Variants in FAM171A1 observed in about 807,000 individuals in gnomAD.
FAM171A1 encodes the protein protein FAM171A1.
A neutral mutation model predicts 74.9 loss-of-function variants in FAM171A1; 23 were observed. The observed-to-expected ratio is 0.31, with a 90% confidence interval of 0.22 to 0.44. The LOEUF is 0.44. Among genes scored for constraint, FAM171A1 ranks in the 20% least tolerant of loss-of-function variants. The pLI, the probability that FAM171A1 is intolerant of heterozygous loss-of-function variation, is 1.00. For missense variants in FAM171A1, 1,162 were observed against 1,159.2 expected (o/e 1.00, Z -0.03); for synonymous variants, 527 against 505.7 (o/e 1.04, Z -0.57).
At chr10:15,291,877 C>T (rs534763622) in intron 1 of FAM171A1, among the ~76,000 whole-genome samples, 3 of 152,330 alleles carry the variant, frequency 2.0e-5, no homozygotes, top group South Asian at 4.1e-4. Flanking sequence ...GTCTTTGTTT[C>T]AGTACCACCT....
chr10:15,231,852 A>G (rs1834210981), intron 5 of FAM171A1, among the ~76,000 whole-genome samples: 1 of 152,172 alleles, frequency 6.6e-6, no homozygotes, highest in Non-Finnish European at 1.5e-5. Context: ...TGGGAAGCCT[A>G]GGTGGAAGGG....
rs116993480 is a variant in FAM171A1, at chr10:15,277,767, T to C, written c.326-1820A>G. Among the ~76,000 whole-genome samples the C allele has an allele frequency of 3.4e-3, 517 of 151,926 alleles. 2 individuals carry two copies. The highest frequency in any genetic ancestry group is 6.0e-3 in the Non-Finnish European group (406 of 67,932). ...CAGTCACTTCACAGTGCTGGCTCTTTTTTTTTGAGATGCAGTTTCGCTCTT... is the reference window on the plus strand; with the variant it reads ...CAGTCACTTCACAGTGCTGGCTCTTCTTTTTTGAGATGCAGTTTCGCTCTT... On this transcript the variant is annotated intron_variant, in intron 2 of 7. Transcript: ENST00000378116.
intron 1 of FAM171A1, among the ~76,000 whole-genome samples, chr10:15,313,818 G>A (rs957333078): frequency 1.3e-5 from 2 of 152,206 alleles, no homozygotes; most frequent in Non-Finnish European, 2.9e-5. Flanking sequence ...CTGCTTTAAG[G>A]TTTGCAAGAG....
rs572932812 is a variant in FAM171A1 at position 15,292,755 on chromosome 10, G to T, written c.98-8650C>A. Among the ~76,000 whole-genome samples the T allele has an allele frequency of 4.6e-5, 7 of 152,124 alleles. No individual in the cohort carries two copies. The East Asian group carries it at 1.4e-3, about 29-fold the overall frequency. Reference sequence around the variant, plus strand: ...CCCGTCTCGTCCTCCCAACATGCTGGGATTACAGGGGTGAGCCACTGCACC... The same window carrying T: ...CCCGTCTCGTCCTCCCAACATGCTGTGATTACAGGGGTGAGCCACTGCACC... On this transcript the variant is annotated intron_variant, in intron 1 of 7. Coordinates refer to ENST00000378116, the MANE Select transcript of FAM171A1 (RefSeq NM_001010924.2).
chr10:15,302,233 G>A (rs758284636), intron 1 of FAM171A1, among the ~76,000 whole-genome samples: 1 of 152,098 alleles, frequency 6.6e-6, no homozygotes, highest in African/African-American at 2.4e-5. Context: ...GGAGGCCAAC[G>A]TGGGTGGATC....
chr10:15,282,869 G>C (rs1042808209), intron 2 of FAM171A1, among the ~76,000 whole-genome samples: 7 of 152,026 alleles, frequency 4.6e-5, no homozygotes, highest in Non-Finnish European at 8.8e-5. Flanking sequence ...CTGGGGTCCT[G>C]TCTCAGGCCC....
chr10:15,345,586 C>T (rs1198415006), intron 1 of FAM171A1, among the ~76,000 whole-genome samples: 1 of 152,048 alleles, frequency 6.6e-6, no homozygotes, highest in Non-Finnish European at 1.5e-5. Flanking sequence ...ACTGCACAGG[C>T]CGGTGGTCAG....
At chr10:15,369,506 G>A (rs1453761789) in intron 1 of FAM171A1, among the ~76,000 whole-genome samples, 3 of 152,080 alleles carry the variant, frequency 2.0e-5, no homozygotes, top group African/African-American at 4.8e-5. Context: ...GTAGCTGTCC[G>A]CTCTTCCATG....
intron 5 of FAM171A1, among the ~76,000 whole-genome samples, chr10:15,243,328 C>G (rs769900135): frequency 6.6e-6 from 1 of 152,120 alleles, no homozygotes; most frequent in African/African-American, 2.4e-5. Flanking sequence ...TGAGAATCAC[C>G]CCATCTCCAG....
intron 1 of FAM171A1, among the ~76,000 whole-genome samples, chr10:15,329,575 G>A (rs1835601934): frequency 6.7e-6 from 1 of 149,738 alleles, no homozygotes; most frequent in African/African-American, 2.5e-5. Context: ...GCAGTGAAAC[G>A]TGATCATGCC....
chr10:15,235,301 C>CAA (rs1193195866), intron 5 of FAM171A1, among the ~76,000 whole-genome samples: 26 of 44,534 alleles, frequency 5.8e-4, no homozygotes, highest in East Asian at 9.4e-4. Context: ...GACTCTGTCT[C>CAA]AAAAAAAAAA....
At chr10:15,267,601 C>CAAAAAAAAA (rs71390026) in intron 3 of FAM171A1, among the ~76,000 whole-genome samples, 4 of 53,348 alleles carry the variant, frequency 7.5e-5, no homozygotes, top group Non-Finnish European at 1.2e-4. Context: ...GACACCATCG[C>CAAAAAAAAA]AAAAAAAAAA....
chr10:15,221,119 G>A (rs995520951), intron 5 of FAM171A1, 59 bp from the exon 6 acceptor site: 4 of 1,391,918 alleles, frequency 2.9e-6, no homozygotes, highest in Non-Finnish European at 2.0e-6. Context: ...TGTAAGGCTT[G>A]AGCATATTGT....
intron 1 of FAM171A1, among the ~76,000 whole-genome samples, chr10:15,327,090 C>T (rs1223232707): frequency 6.6e-6 from 1 of 152,052 alleles, no homozygotes; most frequent in East Asian, 1.9e-4. Flanking sequence ...CAAGCATTCC[C>T]TTAAAAAAAT....
In FAM171A1 at chr10:15,250,122, C is replaced by A. The variant is rs191408799; in HGVS notation, c.578-1307G>T. Among the ~76,000 whole-genome samples, 518 of 152,272 alleles carry A rather than the reference C, an allele frequency of 3.4e-3. 1 individual carries two copies. Among genetic ancestry groups the A allele is most frequent in the Non-Finnish European group, 5.5e-3 (373 of 68,006 alleles). ...TCTCAACAATGAATTACAGCTAAAT[C>A]CTTCATACAGCAATTTCTACACAGC... On this transcript the variant is annotated intron_variant, in intron 4 of 7. Coordinates refer to ENST00000378116, the MANE Select transcript of FAM171A1 (RefSeq NM_001010924.2).
At chr10:15,219,816 G>A (rs953842223) in intron 6 of FAM171A1, among the ~76,000 whole-genome samples, 11 of 152,288 alleles carry the variant, frequency 7.2e-5, no homozygotes, top group Non-Finnish European at 1.3e-4. Flanking sequence ...TCCTGACCTC[G>A]TGATCCGCCC....
chr10:15,325,245 C>G (rs986575995), intron 1 of FAM171A1, among the ~76,000 whole-genome samples: 3 of 152,142 alleles, frequency 2.0e-5, no homozygotes, highest in African/African-American at 7.2e-5. Flanking sequence ...CCTGTAATTC[C>G]AGCACTTTGG....
intron 3 of FAM171A1, among the ~76,000 whole-genome samples, chr10:15,257,385 G>A (rs1834594186): frequency 6.6e-6 from 1 of 152,170 alleles, no homozygotes; most frequent in South Asian, 2.1e-4. Context: ...GACTTACGGG[G>A]ACTGGCCTGG....
At chr10:15,336,379 C>G (rs1835700047) in intron 1 of FAM171A1, among the ~76,000 whole-genome samples, 1 of 151,498 alleles carries the variant, frequency 6.6e-6, no homozygotes, top group African/African-American at 2.4e-5. Context: ...TTGCCCTCTA[C>G]ATGTGAAATG....
Sources: gnomAD v4.1 joint callset for allele counts (sites outside exome capture counted in the v4.1 genomes callset) on GRCh38, gnomAD v4.1.1 for gene constraint, MANE v1.5 for transcripts, NCBI Gene and HGNC (gene_info 2026-07-23, HGNC 2026-07-21) for gene names.